Variants in MPP4 observed in about 807,000 individuals in gnomAD.
The protein encoded by MPP4 is MAGUK p55 scaffold protein 4, also known as MAGUK p55 subfamily member 4.
Under a neutral mutation model 98.3 loss-of-function variants are expected in MPP4, and 91 were observed. That is an observed-to-expected ratio of 0.93 (90% confidence interval 0.78 to 1.10). MPP4 has a LOEUF of 1.10. Ranked by LOEUF, MPP4 falls within the 50% of genes least tolerant of loss-of-function variation. MPP4 has a pLI of 0.00. For missense variants in MPP4, 744 were observed against 792.9 expected, an observed-to-expected ratio of 0.94 and a Z score of 0.74; for synonymous variants, 261 against 271.8, an observed-to-expected ratio of 0.96 and a Z score of 0.39.
chr2:201,697,497 C>T (rs1455860826), intron 1 of MPP4, among the ~76,000 whole-genome samples: 2 of 152,174 alleles, frequency 1.3e-5, no homozygotes, highest in East Asian at 3.9e-4. Context: ...GTTCATGCTG[C>T]AGCTTCACCT....
rs372490544 is a variant in MPP4 at position 201,645,358 on chromosome 2, G to A, written c.1766C>T (p.Thr589Ile). 6.8e-6 allele frequency: 11 copies of A among 1,613,778 alleles called. No homozygotes were observed. Among genetic ancestry groups the A allele is most frequent in the East Asian group, 2.2e-5 (1 of 44,888 alleles). Residue 589 changes from threonine (T) to isoleucine (I), a missense_variant, in exon 22 of 22, where the codon ACT becomes ATT. Transcript: ENST00000409474. ...ATGATCAAAAAATTGGCCAAACTGA[G>A]TTTCCATTCTTTGGGCTAAATTTTC... ...EMENLAQRME[T>I]QFGQFFDHVI...
chr2:201,689,042 T>TGGTGTGGTGTGGTGTGGTG (rs1688921428), intron 4 of MPP4, among the ~76,000 whole-genome samples: 1 of 152,126 alleles, frequency 6.6e-6, no homozygotes, highest in Admixed American at 6.5e-5. Context: ...AACTTTGGTG[T>TGGTGTGGTGTGGTGTGGTG]TTAGGCCAGG....
intron 3 of MPP4, among the ~76,000 whole-genome samples, chr2:201,692,583 G>C (rs1689066276): frequency 6.7e-6 from 1 of 150,246 alleles, no homozygotes; most frequent in African/African-American, 2.4e-5. Flanking sequence ...TTTGGGAGCC[G>C]ATAGGTCATC....
chr2:201,686,822 C>G (rs1331642252), intron 5 of MPP4, among the ~76,000 whole-genome samples: 3 of 152,200 alleles, frequency 2.0e-5, no homozygotes, highest in Non-Finnish European at 4.4e-5. Flanking sequence ...GGTCTCAAAT[C>G]TGTAAGTACT....
Position 201,645,149 on chromosome 2 carries a change from G to T in MPP4, c.*61C>A. 7.2e-7 allele frequency: 1 copy of T among 1,379,688 alleles called. No homozygotes were observed. The highest frequency in any genetic ancestry group is 9.8e-7 in the Non-Finnish European group (1 of 1,022,950). The allele number at this position is 1,379,688 out of a possible 1,614,324, so 85.5% of individuals were successfully genotyped here. ...GGGTCAAATACTGTTGTTTTAGATTGCAACTATGGATCGCTGTATCAAGGG... is the reference window on the plus strand; with the variant it reads ...GGGTCAAATACTGTTGTTTTAGATTTCAACTATGGATCGCTGTATCAAGGG... On this transcript the variant is annotated 3_prime_UTR_variant, in exon 22 of 22. Transcript: ENST00000409474.
chr2:201,692,609 T>C (rs1559020059), intron 3 of MPP4, among the ~76,000 whole-genome samples: 3 of 150,542 alleles, frequency 2.0e-5, no homozygotes, highest in African/African-American at 7.3e-5. Context: ...TCTGCCCTCA[T>C]GAATATGGAA....
intron 10 of MPP4, among the ~76,000 whole-genome samples, chr2:201,677,056 C>T (rs978360548): frequency 5.3e-5 from 8 of 152,198 alleles, no homozygotes; most frequent in Admixed American, 3.9e-4. Context: ...AGGTGATGAG[C>T]TCTGTAAATA....
At chr2:201,694,328 C>T (rs1054311157) in intron 1 of MPP4, among the ~76,000 whole-genome samples, 3 of 152,170 alleles carry the variant, frequency 2.0e-5, no homozygotes, top group Non-Finnish European at 2.9e-5. Context: ...TTATCTTCCA[C>T]CTCTTTACCC....
chr2:201,675,180 A>G (rs762936930), intron 11 of MPP4, 27 bp downstream of exon 11: 25 of 1,591,156 alleles, frequency 1.6e-5, no homozygotes, highest in Non-Finnish European at 2.1e-5. Flanking sequence ...AAACAGGAAG[A>G]ACCTGTCGGG....
intron 1 of MPP4, among the ~76,000 whole-genome samples, chr2:201,695,089 A>G (rs1337490493): frequency 6.6e-6 from 1 of 152,210 alleles, no homozygotes; most frequent in Non-Finnish European, 1.5e-5. Flanking sequence ...GTGAAAGTTC[A>G]GAGACAGAGA....
At chr2:201,693,179 C>T (rs1689087884) in intron 2 of MPP4, 150 bp from the exon 3 acceptor site, 2 of 913,684 alleles carry the variant, frequency 2.2e-6, no homozygotes, top group African/African-American at 1.7e-5. Flanking sequence ...AGCCCTGTTC[C>T]ACCTCTTACT....
chr2:201,652,786 T>C (rs541926210), intron 18 of MPP4, among the ~76,000 whole-genome samples: 5 of 152,168 alleles, frequency 3.3e-5, no homozygotes, highest in Non-Finnish European at 7.3e-5. Flanking sequence ...CTGCCCCCGA[T>C]AGATCTCACT....
intron 18 of MPP4, among the ~76,000 whole-genome samples, chr2:201,653,312 CAT>C (rs1687767545): frequency 6.6e-6 from 1 of 152,182 alleles, no homozygotes; most frequent in African/African-American, 2.4e-5. Context: ...GCAGAAGACA[CAT>C]AGGAAGCTCT....
At chr2:201,695,787 G>C (rs143521931) in intron 1 of MPP4, among the ~76,000 whole-genome samples, 3 of 152,148 alleles carry the variant, frequency 2.0e-5, no homozygotes, top group Admixed American at 6.5e-5. Flanking sequence ...GTATACCTTC[G>C]GATAGGAAGT....
chr2:201,650,839 C>A (rs1687695504), intron 18 of MPP4: 1 of 985,252 alleles, frequency 1.0e-6, no homozygotes, highest in Non-Finnish European at 1.2e-6. Flanking sequence ...TTAGCTGAGT[C>A]TAGATTCAGT....
chr2:201,659,634 A>G (rs1460461769), intron 15 of MPP4, among the ~76,000 whole-genome samples: 1 of 152,160 alleles, frequency 6.6e-6, no homozygotes, highest in African/African-American at 2.4e-5. Flanking sequence ...GGAGTTCGAG[A>G]CCAGCCTACC....
chr2:201,664,301 G>C (rs1217594232), intron 13 of MPP4, 200 bp from the exon 14 acceptor site: 1 of 1,459,490 alleles, frequency 6.9e-7, no homozygotes, highest in Non-Finnish European at 9.2e-7. Flanking sequence ...GTATTCGGCA[G>C]TTGAGCCATG....
chr2:201,674,539 A>T (rs1489275388), intron 11 of MPP4, among the ~76,000 whole-genome samples: 1 of 152,080 alleles, frequency 6.6e-6, no homozygotes, highest in Non-Finnish European at 1.5e-5. Flanking sequence ...TAAAAATTAC[A>T]TCAGTGAGAA....
intron 6 of MPP4, among the ~76,000 whole-genome samples, chr2:201,685,490 C>G (rs1229808166): frequency 6.6e-5 from 10 of 152,170 alleles, no homozygotes; most frequent in Admixed American, 6.5e-4. Context: ...TCCAAAGATA[C>G]AGAAACCTCC....
Sources: gnomAD v4.1 joint callset for allele counts (sites outside exome capture counted in the v4.1 genomes callset) on GRCh38, gnomAD v4.1.1 for gene constraint, MANE v1.5 for transcripts, NCBI Gene and HGNC (gene_info 2026-07-23, HGNC 2026-07-21) for gene names.